LRRTM4: variants seen among roughly 807,000 people sequenced by gnomAD.
LRRTM4 encodes the protein leucine rich repeat transmembrane neuronal 4.
In LRRTM4, 25 loss-of-function variants were observed where a neutral mutation model predicts 47.6. That is an observed-to-expected ratio of 0.53 (90% CI 0.38 to 0.73). The LOEUF (loss-of-function observed/expected upper bound fraction) is 0.73. Among genes scored for constraint, LRRTM4 ranks in the 30% least tolerant of loss-of-function variants. The pLI is 0.00. For synonymous variants in LRRTM4, 311 were observed against 269.5 expected, an observed-to-expected ratio of 1.15 and a Z score of -1.51; for missense variants, 638 against 713.4, an observed-to-expected ratio of 0.89 and a Z score of 1.20.
chr2:76,843,562 A>G (rs1671749891), intron 3 of LRRTM4, among the ~76,000 whole-genome samples: 1 of 152,218 alleles, frequency 6.6e-6, no homozygotes, highest in Non-Finnish European at 1.5e-5. Context: ...ATTTCATAAT[A>G]ACAATAAATT....
chr2:77,274,972 A>G (rs1676303370), intron 3 of LRRTM4, among the ~76,000 whole-genome samples: 1 of 152,138 alleles, frequency 6.6e-6, no homozygotes, highest in South Asian at 2.1e-4. Flanking sequence ...TGGGCCACTA[A>G]GGACACACAG....
At chr2:77,144,521 AAC>A (rs930444169) in intron 3 of LRRTM4, among the ~76,000 whole-genome samples, 1 of 152,170 alleles carries the variant, frequency 6.6e-6, no homozygotes, top group Non-Finnish European at 1.5e-5. Flanking sequence ...ACGGAAGAAA[AAC>A]ACACTGGTCC....
At chr2:77,202,416 C>A (rs928994807) in intron 3 of LRRTM4, among the ~76,000 whole-genome samples, 9 of 152,054 alleles carry the variant, frequency 5.9e-5, no homozygotes, top group Admixed American at 2.0e-4. Context: ...TTAGAAGTAG[C>A]AGCAGCATCA....
rs190855322 is a variant in LRRTM4 at position 77,071,095 on chromosome 2, A to G, written c.1552-322179T>C. ...CCTTTGGGAATAGTACACGTAGGTA[A>G]ACACAAGAGGATAAAGAGTATTTCA... On this transcript the variant is annotated intron_variant, in intron 3 of 3. Transcript: ENST00000409884. 4.7e-4 allele frequency among the ~76,000 whole-genome samples: 72 copies of G among 152,262 alleles called. 1 individual carries two copies. The highest frequency in any genetic ancestry group is 3.4e-3 in the Middle Eastern group (1 of 294).
chr2:76,778,862 A>G (rs888763237), intron 3 of LRRTM4, among the ~76,000 whole-genome samples: 4 of 151,582 alleles, frequency 2.6e-5, no homozygotes, highest in African/African-American at 7.3e-5. Flanking sequence ...TAGGGTGTCA[A>G]TTTTGGATCT....
At chr2:77,067,976 T>C (rs1391226562) in intron 3 of LRRTM4, among the ~76,000 whole-genome samples, 1 of 152,168 alleles carries the variant, frequency 6.6e-6, no homozygotes, top group Admixed American at 6.5e-5. Flanking sequence ...AATTGAGCTA[T>C]TGCCTTGCAT....
intron 3 of LRRTM4, among the ~76,000 whole-genome samples, chr2:77,248,876 C>T (rs187314316): frequency 6.6e-6 from 1 of 152,064 alleles, no homozygotes; most frequent in East Asian, 1.9e-4. Context: ...AGACTTTATA[C>T]TCTTTACAAA....
At chr2:77,430,081 T>C (rs1315541774) in intron 3 of LRRTM4, among the ~76,000 whole-genome samples, 1 of 151,600 alleles carries the variant, frequency 6.6e-6, no homozygotes, top group Non-Finnish European at 1.5e-5. Flanking sequence ...AAAAAAAAAA[T>C]CTGTTTTAAA....
intron 3 of LRRTM4, among the ~76,000 whole-genome samples, chr2:77,145,225 A>G (rs541817129): frequency 1.9e-4 from 29 of 149,038 alleles, no homozygotes; most frequent in Middle Eastern, 3.6e-3. Flanking sequence ...GTGTGTGTGT[A>G]TATCTCATAG....
Position 77,093,233 on chromosome 2 carries a change from C to A in LRRTM4, c.1552-344317G>T, listed in dbSNP as rs375955955. Reference sequence around the variant, plus strand: ...CACAGCTGATATCTCCTGGGGCTATCCCCAAACTGCCACTCTTAACTCTTG... The same window carrying A: ...CACAGCTGATATCTCCTGGGGCTATACCCAAACTGCCACTCTTAACTCTTG... On this transcript the variant is annotated intron_variant, in intron 3 of 3. Coordinates refer to ENST00000409884, the MANE Select transcript of LRRTM4 (RefSeq NM_001134745.3). Among the ~76,000 whole-genome samples the A allele has an allele frequency of 8.1e-5, 12 of 148,778 alleles. No individual in the cohort carries two copies. The East Asian group carries it at 1.4e-3, about 17-fold the overall frequency.
intron 3 of LRRTM4, among the ~76,000 whole-genome samples, chr2:77,181,048 C>T (rs1369943400): frequency 6.6e-6 from 1 of 151,788 alleles, no homozygotes; most frequent in Non-Finnish European, 1.5e-5. Context: ...GGTTTGAGTC[C>T]ATACTTACAA....
At chr2:77,413,484 G>T (rs1674519268) in intron 3 of LRRTM4, among the ~76,000 whole-genome samples, 1 of 152,124 alleles carries the variant, frequency 6.6e-6, no homozygotes, top group African/African-American at 2.4e-5. Flanking sequence ...TGATCTTCTT[G>T]TTCTGAATGT....
intron 3 of LRRTM4, among the ~76,000 whole-genome samples, chr2:77,467,920 C>T (rs940844854): frequency 5.9e-5 from 9 of 151,892 alleles, no homozygotes; most frequent in African/African-American, 2.2e-4. Flanking sequence ...TGTCTTTTTT[C>T]CCCTAGTACT....
intron 3 of LRRTM4, among the ~76,000 whole-genome samples, chr2:77,198,781 C>G (rs983086433): frequency 1.3e-5 from 2 of 152,192 alleles, no homozygotes; most frequent in African/African-American, 4.8e-5. Context: ...GAGCCTTCTG[C>G]TAATGTAGTC....
chr2:77,444,578 T>A (rs563408686), intron 3 of LRRTM4, among the ~76,000 whole-genome samples: 2 of 152,136 alleles, frequency 1.3e-5, no homozygotes, highest in South Asian at 4.2e-4. Context: ...GAATTTAGTA[T>A]TTCACTTCAT....
chr2:77,259,812 T>C (rs1167436308), intron 3 of LRRTM4, among the ~76,000 whole-genome samples: 2 of 152,110 alleles, frequency 1.3e-5, no homozygotes, highest in Admixed American at 6.6e-5. Context: ...ACAGTGTTGA[T>C]ATAACCAGCT....
intron 3 of LRRTM4, among the ~76,000 whole-genome samples, chr2:76,792,434 C>G (rs752965133): frequency 1.3e-5 from 2 of 152,120 alleles, no homozygotes; most frequent in African/African-American, 4.8e-5. Flanking sequence ...ATGCAAAACA[C>G]TCTGCTGGGA....
intron 3 of LRRTM4, among the ~76,000 whole-genome samples, chr2:76,920,508 G>A (rs529457147): frequency 9.9e-5 from 15 of 152,164 alleles, no homozygotes; most frequent in African/African-American, 3.6e-4. Context: ...GATTTATTTT[G>A]GAACCTGGAG....
At position 76,914,843 on chromosome 2, in the gene LRRTM4, G is replaced by T. The variant is rs181824429; in HGVS notation, c.1552-165927C>A. 1.4e-3 allele frequency among the ~76,000 whole-genome samples: 207 copies of T among 152,252 alleles called. 1 individual carries two copies. The highest frequency in any genetic ancestry group is 4.8e-3 in the African/African-American group (200 of 41,562). On this transcript the variant is annotated intron_variant, in intron 3 of 3. Coordinates refer to ENST00000409884, the MANE Select transcript of LRRTM4 (RefSeq NM_001134745.3). ...ACTTCTCTATTATAGTCTGGCTACA[G>T]TTAAATTATTAATAAAGAGCAAAGG...
Sources: allele counts gnomAD v4.1 joint callset (sites outside exome capture counted in the v4.1 genomes callset), GRCh38; gene constraint gnomAD v4.1.1; transcripts MANE v1.5; gene names NCBI Gene and HGNC (gene_info 2026-07-23, HGNC 2026-07-21).